ATG4B: variants seen among roughly 807,000 people sequenced by gnomAD.
ATG4B encodes autophagy related 4B cysteine peptidase, also known as cysteine protease ATG4B.
A neutral mutation model predicts 56.6 loss-of-function variants in ATG4B; 29 were observed. The ratio of observed to expected loss-of-function variants is 0.51; its 90% CI spans 0.38 to 0.70. The LOEUF (loss-of-function observed/expected upper bound fraction) is 0.70, where lower values mean the gene tolerates loss of function less well. ATG4B is among the 30% of genes least tolerant of loss of function. ATG4B has a pLI of 0.00. For missense variants in ATG4B, 461 were observed against 515.5 expected (o/e 0.89, Z 1.02); for synonymous variants, 224 against 206.1 (o/e 1.09, Z -0.74).
rs189543804 is a variant in ATG4B, at chr2:241,672,603, G to A, written c.*339G>A. ...AGGCGCCGGTTCTGTGGTTGGTTTG[G>A]AATTAAAGTCCTGTTTGAAGTTGTC... On this transcript the variant is annotated 3_prime_UTR_variant, in exon 13 of 13. Transcript: ENST00000404914. 1.8e-5 allele frequency: 6 copies of A among 336,010 alleles called. No homozygotes were observed. Among genetic ancestry groups the A allele is most frequent in the African/African-American group, 1.2e-4 (6 of 48,042 alleles). The allele number at this position is 336,010 out of a possible 1,614,324, so 20.8% of individuals were successfully genotyped here.
At position 241,653,115 on chromosome 2, in the gene ATG4B, C is replaced by T. The variant is rs932963857; in HGVS notation, c.185-397C>T. On this transcript the variant is annotated intron_variant, in intron 3 of 12. Transcript: ENST00000404914. ...GGGCTGAGTTGCTGCCCTTGCGGCC[C>T]TTCCTGTGCTCTCAGCAGCACTGGA... Among the ~76,000 whole-genome samples, 4 of 152,370 alleles carry T rather than the reference C, an allele frequency of 2.6e-5. No individual in the cohort carries two copies. The South Asian group carries it at 8.3e-4, about 32-fold the overall frequency.
intron 5 of ATG4B, chr2:241,654,923 T>G (rs2068348790): frequency 3.5e-6 from 2 of 570,026 alleles, no homozygotes; most frequent in South Asian, 4.4e-5. Flanking sequence ...CTGGGGAAAT[T>G]GGCCTCGCCC....
chr2:241,664,973 CAG>C (rs545204421), intron 7 of ATG4B, among the ~76,000 whole-genome samples: 50 of 151,886 alleles, frequency 3.3e-4, no homozygotes, highest in African/African-American at 9.7e-4. Context: ...AAAGAAAAGT[CAG>C]GGGGCACAGT....
intron 3 of ATG4B, chr2:241,652,026 C>T (rs1330155090): frequency 7.9e-7 from 1 of 1,259,252 alleles, no homozygotes; most frequent in African/African-American, 1.5e-5. Context: ...AGGGTTTGGT[C>T]CCTCTTCTAG....
intron 4 of ATG4B, among the ~76,000 whole-genome samples, chr2:241,653,990 G>GAAAAAAA (rs34757883): frequency 8.2e-5 from 6 of 72,872 alleles, no homozygotes; most frequent in East Asian, 4.2e-4. Context: ...GACCCTATCT[G>GAAAAAAA]AAAAAAAAAA....
At chr2:241,654,987 C>T (rs1559258854) in intron 5 of ATG4B, 1 of 575,906 alleles carries the variant, frequency 1.7e-6, no homozygotes, top group African/African-American at 1.9e-5. Context: ...GAAGAGTTGG[C>T]CTTTCTTGCA....
intron 12 of ATG4B, chr2:241,671,940 G>C (rs901065212): frequency 2.2e-6 from 3 of 1,390,030 alleles, no homozygotes; most frequent in African/African-American, 2.9e-5. Context: ...ACGCGGGACA[G>C]AGGCCCCTCA....
intron 6 of ATG4B, among the ~76,000 whole-genome samples, chr2:241,657,307 T>A (rs1396176176): frequency 1.4e-5 from 2 of 142,028 alleles, no homozygotes. Context: ...TTTTTTTTAT[T>A]TTTTTTCCGA....
intron 7 of ATG4B, among the ~76,000 whole-genome samples, chr2:241,662,744 C>T (rs1175696677): frequency 6.6e-6 from 1 of 152,024 alleles, no homozygotes; most frequent in Non-Finnish European, 1.5e-5. Context: ...GTAAAGTGGG[C>T]CGGGCATGGT....
intron 3 of ATG4B, among the ~76,000 whole-genome samples, chr2:241,652,831 G>A (rs2068263893): frequency 6.6e-6 from 1 of 152,242 alleles, no homozygotes; most frequent in Admixed American, 6.5e-5. Context: ...GGTGGGCACA[G>A]GGCGAACCTT....
In ATG4B at chr2:241,666,533, A is replaced by T. The variant is rs894180608; in HGVS notation, c.539-112A>T. On this transcript the variant is annotated intron_variant, in intron 7 of 12. Transcript: ENST00000404914. Reference sequence around the variant, plus strand: ...TCCAAGTTTGAATTTCACTGTAAGCACCTGGCTTTGTACCGCCCTTTTTCT... The same window carrying T: ...TCCAAGTTTGAATTTCACTGTAAGCTCCTGGCTTTGTACCGCCCTTTTTCT... 2.6e-6 allele frequency: 3 copies of T among 1,132,212 alleles called. No homozygotes were observed. The African/African-American group carries it at 4.6e-5, about 18-fold the overall frequency. 70.1% of individuals were successfully genotyped at this position (1,132,212 alleles called of 1,614,324 possible). A position where few individuals can be genotyped will look rare whatever the true frequency, so the allele number is the denominator to read the frequency against.
chr2:241,672,018 C>T (rs927569152), intron 12 of ATG4B, 173 bp from the exon 13 acceptor site: 3 of 1,428,558 alleles, frequency 2.1e-6, no homozygotes, highest in Non-Finnish European at 2.7e-6. Context: ...CTGCTCCCTC[C>T]CCCCATATTC....
In ATG4B at chr2:241,668,861, C is replaced by T. The variant is rs562585104; in HGVS notation, c.957+176C>T. 1.8e-5 allele frequency: 16 copies of T among 887,454 alleles called. No individual in the cohort carries two copies. Among genetic ancestry groups the T allele is most frequent in the Middle Eastern group, 3.4e-4 (1 of 2,984 alleles). 55.0% of individuals were successfully genotyped at this position (887,454 alleles called of 1,614,324 possible). Reference sequence around the variant, plus strand: ...CCGGAACTGTGTCCTTGCACCCTCACGTCCCTCCCCCAGGCACCACCTCCT... The same window carrying T: ...CCGGAACTGTGTCCTTGCACCCTCATGTCCCTCCCCCAGGCACCACCTCCT... On this transcript the variant is annotated intron_variant, in intron 10 of 12. Coordinates refer to ENST00000404914, the MANE Select transcript of ATG4B (RefSeq NM_013325.5). The surrounding 1 kb of genome is among the most constrained non-coding windows in gnomAD (Gnocchi z 4.2).
intron 6 of ATG4B, among the ~76,000 whole-genome samples, chr2:241,658,265 C>CT (rs1424603212): frequency 1.3e-5 from 2 of 150,342 alleles, no homozygotes; most frequent in Admixed American, 6.7e-5. Flanking sequence ...GTCCTCCCAT[C>CT]TTCAGCACTG....
At chr2:241,653,151 C>T (rs533411902) in intron 3 of ATG4B, among the ~76,000 whole-genome samples, 14 of 152,356 alleles carry the variant, frequency 9.2e-5, no homozygotes, top group East Asian at 7.7e-4. Context: ...TGTCATCAAG[C>T]GTTTGAATTT....
chr2:241,655,446 AATT>A, intron 6 of ATG4B, 103 bp downstream of exon 6: 1 of 1,165,858 alleles, frequency 8.6e-7, no homozygotes, highest in Non-Finnish European at 1.2e-6. Flanking sequence ...AGGGGTCTCT[AATT>A]ATTTACTTCA....
In ATG4B at chr2:241,668,406, C is replaced by T. The variant is rs2068846873; in HGVS notation, c.812-134C>T. The stretch of plus-strand genomic sequence containing the variant: ...CCCCTTTCCCTGATGGTCTGGTGCC[C>T]TCGGCTCCCTCCCCACCTCCTGCCC... On this transcript the variant is annotated intron_variant, in intron 9 of 12. Coordinates refer to ENST00000404914, the MANE Select transcript of ATG4B (RefSeq NM_013325.5). The surrounding 1 kb of genome is among the most constrained non-coding windows in gnomAD (Gnocchi z 4.2). 3.5e-6 allele frequency: 5 copies of T among 1,414,396 alleles called. No individual in the cohort carries two copies. The South Asian group carries it at 6.2e-5, about 17-fold the overall frequency. The allele number at this position is 1,414,396 out of a possible 1,614,324, so 87.6% of individuals were successfully genotyped here. A position where few individuals can be genotyped will look rare whatever the true frequency, so the allele number is the denominator to read the frequency against.
chr2:241,638,009 A>G (rs1028635421), intron 1 of ATG4B, among the ~76,000 whole-genome samples: 2 of 151,412 alleles, frequency 1.3e-5, no homozygotes, highest in African/African-American at 4.8e-5. Flanking sequence ...TTGTGGCTGC[A>G]CAGGCCCTTG....
intron 7 of ATG4B, 87 bp downstream of exon 7, chr2:241,659,274 C>A (rs768916325): frequency 3.3e-6 from 4 of 1,229,932 alleles, no homozygotes; most frequent in African/African-American, 1.5e-5. Context: ...ACGGGAGCCT[C>A]GGCGAGTGTT....
Sources: allele counts gnomAD v4.1 joint callset (sites outside exome capture counted in the v4.1 genomes callset), GRCh38; gene constraint gnomAD v4.1.1; non-coding constraint Gnocchi (gnomAD v3.1); transcripts MANE v1.5; gene names NCBI Gene and HGNC (gene_info 2026-07-23, HGNC 2026-07-21).